KDM1B: variants seen among roughly 807,000 people sequenced by gnomAD.
KDM1B encodes the protein lysine-specific histone demethylase 2.
Under a neutral mutation model 107.4 loss-of-function variants are expected in KDM1B, and 63 were observed. That is an observed-to-expected ratio of 0.59 (90% CI 0.48 to 0.72). The LOEUF is 0.72. Ranked by LOEUF, KDM1B falls within the 30% of genes least tolerant of loss-of-function variation. The probability of loss-of-function intolerance (pLI) is 0.00; values close to 1 mark genes in which losing one functional copy is unlikely to be tolerated. For missense variants in KDM1B, 749 were observed against 1,020.8 expected (o/e 0.73, Z 3.63); for synonymous variants, 363 against 363.9 (o/e 1.00, Z 0.03).
At chr6:18,206,751 C>G (rs1369315400) in intron 15 of KDM1B, among the ~76,000 whole-genome samples, 2 of 152,046 alleles carry the variant, frequency 1.3e-5, no homozygotes. Flanking sequence ...CTTTCCCTGC[C>G]CTCTGCAGAG....
At chr6:18,219,138 G>T (rs1444383228) in intron 21 of KDM1B, among the ~76,000 whole-genome samples, 1 of 152,004 alleles carries the variant, frequency 6.6e-6, no homozygotes, top group Non-Finnish European at 1.5e-5. Context: ...TCCTGACCTC[G>T]TGATCTGCCT....
intron 6 of KDM1B, among the ~76,000 whole-genome samples, chr6:18,168,292 C>T (rs180928783): frequency 9.8e-4 from 149 of 152,274 alleles, no homozygotes; most frequent in Non-Finnish European, 1.9e-3. Flanking sequence ...TCCTGGTAAC[C>T]GCTAATCTGC....
intron 6 of KDM1B, among the ~76,000 whole-genome samples, chr6:18,169,628 A>G (rs1025503982): frequency 6.6e-6 from 1 of 152,106 alleles, no homozygotes; most frequent in Non-Finnish European, 1.5e-5. Flanking sequence ...TTGATGCCCA[A>G]AGGTTTTTAA....
chr6:18,207,496 G>C lies in KDM1B; in HGVS notation c.1758G>C (p.Leu586=). 6.2e-7 allele frequency: 1 copy of C among 1,614,198 alleles called. No homozygotes were observed. The highest frequency in any genetic ancestry group is 8.5e-7 in the Non-Finnish European group (1 of 1,180,034). ...GGTACTCGGTGATAATTGAAAAACT[G>C]GCAGAAGGGCTTGACATTCAACTCA... is the stretch of plus-strand genomic sequence containing the variant. ...TPGYSVIIEK[L]AEGLDIQLKS... Residue 586 remains leucine (L), a synonymous_variant, in exon 16 of 22, where the codon CTG becomes CTC. Coordinates refer to ENST00000650836, the MANE Select transcript of KDM1B (RefSeq NM_001364614.2).
chr6:18,218,198 G>A (rs1789396450), intron 21 of KDM1B, among the ~76,000 whole-genome samples: 1 of 152,046 alleles, frequency 6.6e-6, no homozygotes, highest in Non-Finnish European at 1.5e-5. Flanking sequence ...CTAGCTCACT[G>A]CAGCCTCAAA....
chr6:18,197,308 T>C lies in KDM1B; in HGVS notation c.1146+75T>C. ...GCTAGTCTGTTGCTGTTAATAAATA[T>C]AGTAAAAGCCACATTATCACCATAA... On this transcript the variant is annotated intron_variant, in intron 11 of 21. Transcript: ENST00000650836. This position sits in a 1 kb window ranked among gnomAD's most constrained non-coding sequence, Gnocchi z 4.5. 1.1e-5 allele frequency: 15 copies of C among 1,329,798 alleles called. No homozygotes were observed. The highest frequency in any genetic ancestry group is 2.3e-4 in the Middle Eastern group (1 of 4,352). The allele number at this position is 1,329,798 out of a possible 1,614,324, so 82.4% of individuals were successfully genotyped here.
chr6:18,217,385 T>C (rs1383046084), intron 20 of KDM1B, among the ~76,000 whole-genome samples: 15 of 150,870 alleles, frequency 9.9e-5, no homozygotes, highest in Non-Finnish European at 1.6e-4. Flanking sequence ...CTTCTTTTTT[T>C]TTTTTTTTTT....
chr6:18,220,282 G>A (rs773914144), intron 21 of KDM1B, among the ~76,000 whole-genome samples: 38 of 152,312 alleles, frequency 2.5e-4, no homozygotes, highest in Middle Eastern at 3.4e-3. Flanking sequence ...GGCCGGGTGC[G>A]ATGGCTCACG....
At chr6:18,163,533 ATCTT>A (rs1159821406) in intron 5 of KDM1B, among the ~76,000 whole-genome samples, 4 of 151,634 alleles carry the variant, frequency 2.6e-5, no homozygotes, top group African/African-American at 7.3e-5. Flanking sequence ...TTATTTTTAG[ATCTT>A]TCTTCTTTTC....
chr6:18,196,997 A>G (rs1170638477), intron 10 of KDM1B, 60 bp from the exon 11 acceptor site: 1 of 1,407,284 alleles, frequency 7.1e-7, no homozygotes, highest in Non-Finnish European at 9.9e-7. Flanking sequence ...TTTTCCTGCT[A>G]TTGTTTGAAT....
intron 7 of KDM1B, among the ~76,000 whole-genome samples, chr6:18,179,116 G>T (rs1786258558): frequency 6.6e-6 from 1 of 152,138 alleles, no homozygotes; most frequent in Non-Finnish European, 1.5e-5. Flanking sequence ...TTTTTATGAT[G>T]AATAGATATT....
rs1785071725 is a variant in KDM1B, at chr6:18,163,070, C to T, written c.305+146C>T. 1.7e-5 allele frequency: 10 copies of T among 585,814 alleles called. No individual in the cohort carries two copies. In the East Asian group the frequency reaches 1.8e-4, roughly 10 times the overall value. The allele number at this position is 585,814 out of a possible 1,614,324, so 36.3% of individuals were successfully genotyped here. Reference sequence around the variant, plus strand: ...ATGCCTGTGATGACTGTAACTTGGACGAGAACTTTGATGTTGTAGTTTGTG... The same window carrying T: ...ATGCCTGTGATGACTGTAACTTGGATGAGAACTTTGATGTTGTAGTTTGTG... On this transcript the variant is annotated intron_variant, in intron 5 of 21. Coordinates refer to ENST00000650836, the MANE Select transcript of KDM1B (RefSeq NM_001364614.2).
rs542249805 is a variant in KDM1B at position 18,197,448 on chromosome 6, C to T, written c.1147-139C>T. ...AAGGGAGTAATAAGACAAGTGCCAC[C>T]ACATTCTTTAGGAAAATAACTTTCT... On this transcript the variant is annotated intron_variant, in intron 11 of 21. Transcript: ENST00000650836. This position sits in a 1 kb window ranked among gnomAD's most constrained non-coding sequence, Gnocchi z 4.5. 2 of 803,624 alleles carry T rather than the reference C, an allele frequency of 2.5e-6. No homozygotes were observed. Among genetic ancestry groups the T allele is most frequent in the South Asian group, 3.1e-5 (2 of 63,606 alleles). 49.8% of individuals were successfully genotyped at this position (803,624 alleles called of 1,614,324 possible).
chr6:18,200,609 A>G lies in KDM1B; in HGVS notation c.1359+33A>G, dbSNP rs1225316028. On this transcript the variant is annotated intron_variant, in intron 13 of 21. Coordinates refer to ENST00000650836, the MANE Select transcript of KDM1B (RefSeq NM_001364614.2). This position sits in a 1 kb window ranked among gnomAD's most constrained non-coding sequence, Gnocchi z 4.3. ...TCTTTTAGCTTTGTGTTGTAGATAA[A>G]GGAAAGAAAAACAGTTTCAATTTGC... is the stretch of plus-strand genomic sequence containing the variant. The G allele has an allele frequency of 1.9e-6, 3 of 1,589,378 alleles. No homozygotes were observed. The highest frequency in any genetic ancestry group is 2.6e-6 in the Non-Finnish European group (3 of 1,169,740).
At chr6:18,218,742 ACT>A (rs1561960188) in intron 21 of KDM1B, among the ~76,000 whole-genome samples, 2 of 152,128 alleles carry the variant, frequency 1.3e-5, no homozygotes, top group Non-Finnish European at 2.9e-5. Context: ...TACAGTTGAC[ACT>A]GTCTGAGCTG....
At chr6:18,183,363 G>A (rs1786616036) in intron 7 of KDM1B, among the ~76,000 whole-genome samples, 1 of 142,632 alleles carries the variant, frequency 7.0e-6, no homozygotes, top group Admixed American at 7.7e-5. Context: ...CACCTCCCAG[G>A]TTCAAACGAT....
Position 18,209,847 on chromosome 6 carries a change from T to C in KDM1B, c.1866+1641T>C, listed in dbSNP as rs1788701806. 6.6e-6 allele frequency among the ~76,000 whole-genome samples: 1 copy of C among 152,204 alleles called. No individual in the cohort carries two copies. The highest frequency in any genetic ancestry group is 1.5e-5 in the Non-Finnish European group (1 of 68,038). ...GAGAACCTTGTCTGCAGTGACCTTT[T>C]CTGTAAGCTCTTAATAGGTTTTGCC... On this transcript the variant is annotated intron_variant, in intron 17 of 21. Transcript: ENST00000650836. This position sits in a 1 kb window ranked among gnomAD's most constrained non-coding sequence, Gnocchi z 4.3.
rs369714077 is a variant in KDM1B, at chr6:18,179,836, A to ACTAGATATTTTTTCTTTTTTT, written c.535-5936_535-5935insCTAGATATTTTTTCTTTTTTT. Reference sequence around the variant, plus strand: ...CTATTCCAAAATCTTTCAATTTAGCATTGGTTTTTTTTCCTTTTTTTTTTT... The same window carrying ACTAGATATTTTTTCTTTTTTT: ...CTATTCCAAAATCTTTCAATTTAGCACTAGATATTTTTTCTTTTTTTTTGGTTTTTTTTCCTTTTTTTTTTT... On this transcript the variant is annotated intron_variant, in intron 7 of 21. Coordinates refer to ENST00000650836, the MANE Select transcript of KDM1B (RefSeq NM_001364614.2). Among the ~76,000 whole-genome samples the ACTAGATATTTTTTCTTTTTTT allele has an allele frequency of 1.4e-4, 12 of 83,518 alleles. 6 individuals carry two copies. Among genetic ancestry groups the ACTAGATATTTTTTCTTTTTTT allele is most frequent in the Admixed American group, 2.9e-4 (2 of 6,784 alleles). The allele number at this position is 83,518 out of a possible 152,430, so 54.8% of individuals were successfully genotyped here.
At chr6:18,161,933 CTTCT>C (rs920193378) in intron 4 of KDM1B, among the ~76,000 whole-genome samples, 3 of 146,864 alleles carry the variant, frequency 2.0e-5, no homozygotes, top group African/African-American at 8.2e-5. Context: ...CAAGTATGAT[CTTCT>C]TTTTTTTTTT....
Sources: allele counts gnomAD v4.1 joint callset (sites outside exome capture counted in the v4.1 genomes callset), GRCh38; gene constraint gnomAD v4.1.1; non-coding constraint Gnocchi (gnomAD v3.1); transcripts MANE v1.5; gene names NCBI Gene and HGNC (gene_info 2026-07-23, HGNC 2026-07-21).